The following SNX24 variants were observed in gnomAD, a reference collection of about 807,000 sequenced individuals.
SNX24 encodes sorting nexin-24.
In SNX24, 22 loss-of-function variants were observed where a neutral mutation model predicts 28.7. The observed-to-expected ratio is 0.77, with a 90% CI of 0.55 to 1.10. The LOEUF is 1.10. Ranked by LOEUF, SNX24 falls within the 50% of genes least tolerant of loss-of-function variation. The pLI, the probability that SNX24 is intolerant of heterozygous loss-of-function variation, is 0.00. For synonymous variants in SNX24, 69 were observed against 71.5 expected, an observed-to-expected ratio of 0.96 and a Z score of 0.18; for missense variants, 221 against 201.1, an observed-to-expected ratio of 1.10 and a Z score of -0.60.
chr5:122,902,956 T>C (rs562041526), intron 1 of SNX24, among the ~76,000 whole-genome samples: 1 of 152,186 alleles, frequency 6.6e-6, no homozygotes, highest in African/African-American at 2.4e-5. Flanking sequence ...TGCTACTTAT[T>C]GTTCCCTAGG....
rs376573038 is a variant in SNX24 at position 123,007,733 on chromosome 5, A to T, written c.494A>T (p.His165Leu). 8 of 1,598,728 alleles carry T rather than the reference A, an allele frequency of 5.0e-6. No homozygotes were observed. Among genetic ancestry groups the T allele is most frequent in the Admixed American group, 1.8e-5 (1 of 56,366 alleles). ...EGVLHGIFYP[H>L]LQPR Reference sequence around the variant, plus strand: ...GTCCTCCATGGGATATTTTACCCTCATCTACAGCCCAGGTAGAAATCCTAC... The same window carrying T: ...GTCCTCCATGGGATATTTTACCCTCTTCTACAGCCCAGGTAGAAATCCTAC... Residue 165 changes from histidine to leucine, a missense_variant, in exon 7 of 7, where the codon CAT becomes CTT. By Grantham distance (99) the His-to-Leu change is moderately conservative. Transcript: ENST00000261369.
chr5:122,982,898 A>G (rs966571863), intron 3 of SNX24: 3 of 152,156 alleles, frequency 2.0e-5, no homozygotes, highest in African/African-American at 7.2e-5. Flanking sequence ...TAGGCATTGG[A>G]TATTTTATTT....
intron 2 of SNX24, among the ~76,000 whole-genome samples, chr5:122,939,426 T>G (rs1229828092): frequency 6.6e-6 from 1 of 152,214 alleles, no homozygotes; most frequent in African/African-American, 2.4e-5. Flanking sequence ...GTCTAGATTG[T>G]TTTTGCTTAT....
rs540419807 is a variant in SNX24 at position 122,878,176 on chromosome 5, G to T, written c.60+32483G>T. ...CGGGGTGGGAAAATGGAGTGGGAAG[G>T]TTGGTGCCACTTCCTTGTTTTGTTC... On this transcript the variant is annotated intron_variant, in intron 1 of 6. Transcript: ENST00000261369. 2.2e-4 allele frequency among the ~76,000 whole-genome samples: 33 copies of T among 152,280 alleles called. 1 individual carries two copies. In the South Asian group the frequency reaches 5.6e-3, roughly 26 times the overall value.
intron 1 of SNX24, among the ~76,000 whole-genome samples, chr5:122,901,747 C>G (rs1373597106): frequency 6.6e-6 from 1 of 152,142 alleles, no homozygotes; most frequent in East Asian, 1.9e-4. Context: ...TTCTACCTGA[C>G]CTTGGACATG....
chr5:122,902,716 CAGGGTGACCCTGTCATGCTT>C (rs1757493459), intron 1 of SNX24, among the ~76,000 whole-genome samples: 1 of 152,290 alleles, frequency 6.6e-6, no homozygotes, highest in South Asian at 2.1e-4. Flanking sequence ...GGGTCATCCT[CAGGGTGACCCTGTCATGCTT>C]AAGTTATTGC....
At chr5:122,940,671 A>G (rs1433102260) in intron 2 of SNX24, among the ~76,000 whole-genome samples, 1 of 152,178 alleles carries the variant, frequency 6.6e-6, no homozygotes, top group Non-Finnish European at 1.5e-5. Flanking sequence ...TCCCAGGTTC[A>G]AACGATTCTT....
chr5:122,954,788 G>A (rs1760134023), intron 3 of SNX24, among the ~76,000 whole-genome samples: 1 of 151,608 alleles, frequency 6.6e-6, no homozygotes, highest in African/African-American at 2.4e-5. Flanking sequence ...TAAAAAGGCT[G>A]TTTTCAATAT....
intron 3 of SNX24, among the ~76,000 whole-genome samples, chr5:122,950,600 A>G (rs1268776155): frequency 6.6e-6 from 1 of 152,170 alleles, no homozygotes; most frequent in African/African-American, 2.4e-5. Flanking sequence ...GATTTCACAG[A>G]AGAAAGAAGC....
At chr5:122,981,976 G>C (rs1007233548) in intron 3 of SNX24, among the ~76,000 whole-genome samples, 1 of 152,242 alleles carries the variant, frequency 6.6e-6, no homozygotes, top group African/African-American at 2.4e-5. Flanking sequence ...CTTCCAGATA[G>C]TCAAGAGAAA....
intron 1 of SNX24, among the ~76,000 whole-genome samples, chr5:122,878,061 AC>A (rs1298822418): frequency 7.2e-5 from 11 of 152,050 alleles, no homozygotes; most frequent in African/African-American, 2.4e-4. Flanking sequence ...ATGATGGCTG[AC>A]CTGGGAGGGT....
At chr5:122,923,671 C>T (rs1485601205) in intron 1 of SNX24, among the ~76,000 whole-genome samples, 2 of 152,192 alleles carry the variant, frequency 1.3e-5, no homozygotes, top group Non-Finnish European at 2.9e-5. Context: ...CTGGCAGATG[C>T]TGTTCCCAAG....
intron 3 of SNX24, among the ~76,000 whole-genome samples, chr5:122,954,833 T>C (rs1760135894): frequency 6.6e-6 from 1 of 152,286 alleles, no homozygotes; most frequent in East Asian, 1.9e-4. Flanking sequence ...AAGTTTAATT[T>C]TGATGTGTCT....
chr5:122,917,708 T>C (rs928820819), intron 1 of SNX24, among the ~76,000 whole-genome samples: 3 of 152,196 alleles, frequency 2.0e-5, no homozygotes, highest in African/African-American at 7.2e-5. Context: ...TCTTCACCTG[T>C]CAACTAAGTA....
At chr5:123,003,561 A>G (rs1412437127) in intron 6 of SNX24, among the ~76,000 whole-genome samples, 1 of 152,206 alleles carries the variant, frequency 6.6e-6, no homozygotes, top group Non-Finnish European at 1.5e-5. Context: ...AAATTCCTGC[A>G]GAAGTGTAGA....
chr5:122,943,565 C>T (rs969709750), intron 2 of SNX24, among the ~76,000 whole-genome samples: 1 of 152,246 alleles, frequency 6.6e-6, no homozygotes, highest in Non-Finnish European at 1.5e-5. Context: ...AGGCAGAATT[C>T]AGTGGCTTGC....
intron 3 of SNX24, among the ~76,000 whole-genome samples, chr5:122,973,513 G>C (rs1413754402): frequency 6.6e-6 from 1 of 152,186 alleles, no homozygotes; most frequent in Admixed American, 6.5e-5. Flanking sequence ...TGAAGCCATT[G>C]GTGCAGGCTG....
chr5:122,847,583 T>TCCTG (rs965158583), intron 1 of SNX24, among the ~76,000 whole-genome samples: 1 of 145,430 alleles, frequency 6.9e-6, no homozygotes, highest in African/African-American at 2.6e-5. Flanking sequence ...AACCTCTGCC[T>TCCTG]CCTGGGCTCA....
chr5:122,969,794 T>C (rs1388581630), intron 3 of SNX24, among the ~76,000 whole-genome samples: 1 of 152,114 alleles, frequency 6.6e-6, no homozygotes. Flanking sequence ...AGACCTTCTT[T>C]ATATTCCACA....
Sources: allele counts gnomAD v4.1 joint callset (sites outside exome capture counted in the v4.1 genomes callset), GRCh38; gene constraint gnomAD v4.1.1; transcripts MANE v1.5; gene names NCBI Gene and HGNC (gene_info 2026-07-23, HGNC 2026-07-21).